ALDH3B2: variants seen among roughly 807,000 people sequenced by gnomAD.
ALDH3B2 encodes the protein aldehyde dehydrogenase family 3 member B2.
Under a neutral mutation model 36.7 loss-of-function variants are expected in ALDH3B2, and 45 were observed. The observed-to-expected ratio is 1.23, with a 90% CI of 0.97 to 1.57. The LOEUF (loss-of-function observed/expected upper bound fraction) is 1.57. Among genes scored for constraint, ALDH3B2 ranks in the 40% most tolerant of loss-of-function variants. The pLI, the probability that ALDH3B2 is intolerant of heterozygous loss-of-function variation, is 0.00. For missense variants in ALDH3B2, 464 were observed against 513.3 expected (o/e 0.90, Z 0.93); for synonymous variants, 217 against 226.5 (o/e 0.96, Z 0.38).
At chr11:67,680,531 C>T (rs1856350922) in intron 1 of ALDH3B2, among the ~76,000 whole-genome samples, 1 of 152,146 alleles carries the variant, frequency 6.6e-6, no homozygotes, top group Admixed American at 6.5e-5. Context: ...ATCCTCCAGC[C>T]TCGGCCTCCT....
At chr11:67,668,411 C>G (rs1397751449) in intron 1 of ALDH3B2, among the ~76,000 whole-genome samples, 1 of 152,100 alleles carries the variant, frequency 6.6e-6, no homozygotes, top group Non-Finnish European at 1.5e-5. Flanking sequence ...GGATCAGGAC[C>G]CTGGGGGTGG....
At chr11:67,678,248 G>C (rs376413574), upstream of ALDH3B2, among the ~76,000 whole-genome samples, 5 of 152,148 alleles carry the variant, frequency 3.3e-5, no homozygotes, top group Non-Finnish European at 7.4e-5. Flanking sequence ...CACCAAAACA[G>C]TGACATATCG....
chr11:67,678,809 GGTAT>G (rs1475880791), upstream of ALDH3B2, among the ~76,000 whole-genome samples: 2 of 9,848 alleles, frequency 2.0e-4, no homozygotes, highest in Non-Finnish European at 3.2e-3. Flanking sequence ...ATACACTAAT[GGTAT>G]ATATATATAT....
At chr11:67,672,174 T>C (rs1164549704) in intron 1 of ALDH3B2, among the ~76,000 whole-genome samples, 1 of 144,212 alleles carries the variant, frequency 6.9e-6, no homozygotes, top group Non-Finnish European at 1.5e-5. Flanking sequence ...TGAGACAGAC[T>C]TTCTCTCTTG....
intron 7 of ALDH3B2, among the ~76,000 whole-genome samples, chr11:67,665,002 A>C (rs1295162838): frequency 1.3e-5 from 2 of 152,136 alleles, no homozygotes; most frequent in Non-Finnish European, 2.9e-5. Context: ...GCCTTTCAGG[A>C]CAGCCGGTGG....
chr11:67,669,399 CTGTG>C (rs1310645922), intron 1 of ALDH3B2, among the ~76,000 whole-genome samples: 1 of 125,564 alleles, frequency 8.0e-6, no homozygotes, highest in African/African-American at 3.2e-5. Context: ...CCATGTGTGT[CTGTG>C]TATGGGTGCT....
chr11:67,678,295 A>G (rs1856306464), upstream of ALDH3B2, among the ~76,000 whole-genome samples: 1 of 152,222 alleles, frequency 6.6e-6, no homozygotes, highest in Non-Finnish European at 1.5e-5. Flanking sequence ...GGAACAGAAT[A>G]GAGAACCCAG....
chr11:67,673,006 C>T (rs1399628147), intron 1 of ALDH3B2, among the ~76,000 whole-genome samples: 1 of 150,972 alleles, frequency 6.6e-6, no homozygotes, highest in Non-Finnish European at 1.5e-5. Flanking sequence ...TCTCAGCTCA[C>T]TGCAAACTCC....
chr11:67,666,019 G>T (rs750684223), intron 6 of ALDH3B2, 103 bp downstream of exon 6: 240 of 1,410,454 alleles, frequency 1.7e-4, no homozygotes, highest in Non-Finnish European at 2.2e-4. Flanking sequence ...AGCTCCCCAC[G>T]TGCCCCCACT....
At chr11:67,678,720 T>TATAC (rs1555038279), upstream of ALDH3B2, among the ~76,000 whole-genome samples, 808 of 150,384 alleles carry the variant, frequency 5.4e-3, 11 homozygotes, top group African/African-American at 0.019. Flanking sequence ...TATATATATA[T>TATAC]ATACACGCTA....
intron 6 of ALDH3B2, 109 bp downstream of exon 6, chr11:67,666,013 C>T: frequency 7.3e-7 from 1 of 1,368,848 alleles, no homozygotes; most frequent in Non-Finnish European, 1.0e-6. Context: ...AGCTCCAGCT[C>T]CCCACGTGCC....
intron 8 of ALDH3B2, 131 bp from the exon 9 acceptor site, chr11:67,663,892 C>T (rs1217019591): frequency 1.4e-6 from 1 of 710,016 alleles, no homozygotes; most frequent in African/African-American, 1.8e-5. Flanking sequence ...ATAATCTCCG[C>T]TCTAAGCATC....
intron 1 of ALDH3B2, among the ~76,000 whole-genome samples, chr11:67,670,300 A>G (rs1214403518): frequency 6.4e-5 from 6 of 94,204 alleles, no homozygotes; most frequent in African/African-American, 2.2e-4. Flanking sequence ...GGGTGTCTGT[A>G]TGCGTATGGG....
intron 1 of ALDH3B2, among the ~76,000 whole-genome samples, chr11:67,669,577 T>C (rs901248221): frequency 4.3e-4 from 66 of 151,736 alleles, no homozygotes; most frequent in African/African-American, 1.4e-3. Flanking sequence ...TGTGTGTCTG[T>C]GTGTGTATGG....
intron 1 of ALDH3B2, among the ~76,000 whole-genome samples, chr11:67,668,402 G>T (rs1236626277): frequency 6.6e-6 from 1 of 152,100 alleles, no homozygotes; most frequent in African/African-American, 2.4e-5. Context: ...GAGGAGGAAG[G>T]ATCAGGACCC....
intron 6 of ALDH3B2, 30 bp from the exon 7 acceptor site, chr11:67,665,701 G>T (rs578131561): frequency 3.2e-6 from 5 of 1,580,086 alleles, no homozygotes; most frequent in South Asian, 2.4e-5. Context: ...AGAGTGGCCA[G>T]TCAGTGACCT....
chr11:67,665,036 C>T (rs1371930654), intron 7 of ALDH3B2, among the ~76,000 whole-genome samples: 3 of 152,254 alleles, frequency 2.0e-5, no homozygotes, highest in South Asian at 2.1e-4. Flanking sequence ...CACCTTAGCA[C>T]GCTGGGCCCT....
exon 3 of ALDH3B2, chr11:67,666,910 T>C (rs968620332): frequency 6.2e-7 from 1 of 1,614,072 alleles, no homozygotes; most frequent in Non-Finnish European, 8.5e-7. Flanking sequence ...GCTCACCAGG[T>C]TCGTGGACCG....
intron 1 of ALDH3B2, among the ~76,000 whole-genome samples, chr11:67,671,578 C>T (rs1348017135): frequency 8.2e-5 from 12 of 147,054 alleles, no homozygotes; most frequent in Non-Finnish European, 3.0e-5. Flanking sequence ...CGGAGTTTCG[C>T]TCTTGTTGCC....
Sources: gnomAD v4.1 joint callset for allele counts (sites outside exome capture counted in the v4.1 genomes callset) on GRCh38, gnomAD v4.1.1 for gene constraint, MANE v1.5 for transcripts, NCBI Gene and HGNC (gene_info 2026-07-23, HGNC 2026-07-21) for gene names.